The following ASAH2 variants were observed in gnomAD, a reference collection of about 807,000 sequenced individuals.
ASAH2 encodes N-acylsphingosine amidohydrolase 2.
ASAH2 carries 58 observed loss-of-function variants against 82.9 expected under a neutral mutation model. The observed-to-expected ratio is 0.70, with a 90% CI of 0.57 to 0.87. The LOEUF (loss-of-function observed/expected upper bound fraction) is 0.87. ASAH2 is among the 40% of genes least tolerant of loss of function. ASAH2 has a pLI of 0.00. For missense variants in ASAH2, 779 were observed against 834.0 expected (o/e 0.93, Z 0.81); for synonymous variants, 276 against 289.7 (o/e 0.95, Z 0.48).
chr10:50,234,468 T>C lies in ASAH2; in HGVS notation c.772A>G (p.Ser258Gly). ...GNVDGVQINR[S>G]PYSYLQNPQS... Reference sequence around the variant, plus strand: ...GGATTTTGAAGGTAAGAATACGGACTTCTGTTGATCTGCACACCATCCACA... The same window carrying C: ...GGATTTTGAAGGTAAGAATACGGACCTCTGTTGATCTGCACACCATCCACA... Residue 258 changes from serine to glycine, a missense_variant, in exon 6 of 21, where the codon AGT (serine) becomes GGT (glycine). By Grantham distance (56) the Ser-to-Gly change is moderately conservative (BLOSUM62 0). Transcript: ENST00000682911. The C allele has an allele frequency of 1.2e-6, 2 of 1,613,126 alleles. No homozygotes were observed. Among genetic ancestry groups the C allele is most frequent in the Non-Finnish European group, 1.7e-6 (2 of 1,179,296 alleles).
intron 9 of ASAH2, among the ~76,000 whole-genome samples, chr10:50,213,311 G>A (rs1254893609): frequency 5.3e-5 from 8 of 152,152 alleles, no homozygotes; most frequent in African/African-American, 1.7e-4. Context: ...GTTAAAAGAT[G>A]TGTTGCTGAT....
intron 7 of ASAH2, among the ~76,000 whole-genome samples, chr10:50,230,300 G>C (rs1285983353): frequency 2.6e-5 from 4 of 152,138 alleles, no homozygotes; most frequent in African/African-American, 9.7e-5. Flanking sequence ...ATGCTGGGCA[G>C]GTCACATCAC....
At chr10:50,239,624 C>G (rs1166708142) in intron 4 of ASAH2, among the ~76,000 whole-genome samples, 7 of 152,200 alleles carry the variant, frequency 4.6e-5, no homozygotes, top group Admixed American at 3.3e-4. Flanking sequence ...CCTAGCTGTG[C>G]AACCTTGGAT....
In ASAH2 at chr10:50,201,192, C is replaced by T. The variant is rs938913587; in HGVS notation, c.1761+1637G>A. Among the ~76,000 whole-genome samples, 925 of 152,108 alleles carry T rather than the reference C, an allele frequency of 6.1e-3. 10 individuals are homozygous for T. The highest frequency in any genetic ancestry group is 0.038 in the South Asian group (181 of 4,814). ...CCTTTCCAGCTCCCCATTCATCCCACGGAGAGCTACCTCTACCACTCAATA... is the reference window on the plus strand; with the variant it reads ...CCTTTCCAGCTCCCCATTCATCCCATGGAGAGCTACCTCTACCACTCAATA... On this transcript the variant is annotated intron_variant, in intron 16 of 20. Coordinates refer to ENST00000682911, the MANE Select transcript of ASAH2 (RefSeq NM_019893.4).
At chr10:50,237,072 T>A (rs1373053950) in intron 4 of ASAH2, among the ~76,000 whole-genome samples, 1 of 152,270 alleles carries the variant, frequency 6.6e-6, no homozygotes, top group East Asian at 1.9e-4. Context: ...GGCTCTCTTT[T>A]AGCAGAGGCT....
At position 50,199,139 on chromosome 10, in the gene ASAH2, C is replaced by T. The variant is rs1845073970; in HGVS notation, c.1769G>A (p.Arg590Gln). 4 of 1,613,130 alleles carry T rather than the reference C, an allele frequency of 2.5e-6. No homozygotes were observed. Among genetic ancestry groups the T allele is most frequent in the Middle Eastern group, 1.7e-4 (1 of 6,042 alleles). The change falls in exon 17 of 21, where the codon CGA becomes CAA. Residue 590 changes from arginine to glutamine, a missense_variant. Around this residue, in one of 3 missense-constraint regions of ASAH2, gnomAD observed 759 missense variants for 755.2 expected, o/e 1.00. Coordinates refer to ENST00000682911, the MANE Select transcript of ASAH2 (RefSeq NM_019893.4). ...ATAAATTGTCGATGCTGCCTCATAT[C>T]GCTGAGCCTGCAGGAAAGGCAGGGA... ...ITTYEEYQAQ[R>Q]YEAASTIYGP...
rs1455436276 is a variant in ASAH2 at position 50,199,118 on chromosome 10, A to G, written c.1790T>C (p.Ile597Thr). 5 of 1,613,190 alleles carry G rather than the reference A, an allele frequency of 3.1e-6. No homozygotes were observed. In the African/African-American group the frequency reaches 6.7e-5, roughly 22 times the overall value. Residue 597 changes from isoleucine to threonine, a missense_variant, in exon 17 of 21, where the codon ATT (isoleucine) becomes ACT (threonine). Ile to Thr is a moderately conservative substitution (Grantham distance 89, BLOSUM62 -1). Transcript: ENST00000682911. ...QAQRYEAAST[I>T]YGPHTLSAYI... ...AGCAGATAATGTGTGCGGTCCATAA[A>G]TTGTCGATGCTGCCTCATATCGCTG...
intron 10 of ASAH2, among the ~76,000 whole-genome samples, chr10:50,211,742 C>T (rs1425045703): frequency 6.6e-6 from 1 of 152,206 alleles, no homozygotes; most frequent in Non-Finnish European, 1.5e-5. Context: ...CATTATATAA[C>T]ATAGGCAAAT....
rs1486831035 is a variant in ASAH2 at position 50,218,597 on chromosome 10, G to C, written c.927C>G (p.Asn309Lys). 7 of 1,613,704 alleles carry C rather than the reference G, an allele frequency of 4.3e-6. No homozygotes were observed. Among genetic ancestry groups the C allele is most frequent in the South Asian group, 1.1e-5 (1 of 91,080 alleles). Residue 309 changes from asparagine to lysine, a missense_variant, in exon 8 of 21, where the codon AAC (asparagine) becomes AAG (lysine). This residue lies in a region of ASAH2 where 759 missense variants were observed against 755.2 expected (regional missense o/e 1.00). Coordinates refer to ENST00000682911, the MANE Select transcript of ASAH2 (RefSeq NM_019893.4). Reference protein sequence around the residue: ...WFAIHPVSMNNSNHLVNSDNV... With the variant: ...WFAIHPVSMNKSNHLVNSDNV... ...TGTCACTGTTTACAAGATGGTTACT[G>C]TTGTTCATGCTGACCGGGTGGATGG... is the stretch of plus-strand genomic sequence containing the variant.
At position 50,233,266 on chromosome 10, in the gene ASAH2, T is replaced by C; in HGVS notation, c.816-5A>G. 6.3e-7 allele frequency: 1 copy of C among 1,597,250 alleles called. No homozygotes were observed. On this transcript the variant is annotated splice_region_variant and splice_polypyrimidine_tract_variant and intron_variant, in intron 6 of 20. Coordinates refer to ENST00000682911, the MANE Select transcript of ASAH2 (RefSeq NM_019893.4). ...TTGTCTGTATTTGAAGAATACCTAGTCAGTAAAACAGAAAAGCACAGTCAG... is the reference window on the plus strand; with the variant it reads ...TTGTCTGTATTTGAAGAATACCTAGCCAGTAAAACAGAAAAGCACAGTCAG...
Position 50,210,897 on chromosome 10 carries a change from GT to G in ASAH2, c.1339del (p.Thr447HisfsTer88), listed in dbSNP as rs1443912718. The G allele has an allele frequency of 1.2e-5, 19 of 1,613,274 alleles. No individual in the cohort carries two copies. The highest frequency in any genetic ancestry group is 1.6e-5 in the Non-Finnish European group (19 of 1,179,304). On this transcript the variant is annotated frameshift_variant, in exon 12 of 21. Transcript: ENST00000682911. LOFTEE classifies it high-confidence loss of function. The stretch of plus-strand genomic sequence containing the variant: ...ACTGTAGCCCAATGCTGGTTTACAT[GT>G]TTTTGACTAAAGGAAAAGTTTTAAA... ...VWLNSTHASK[T>X]CKPALGYSFA... is the part of the protein sequence containing the mutation.
chr10:50,206,175 C>T, intron 12 of ASAH2, 78 bp from the exon 13 acceptor site: 1 of 1,025,908 alleles, frequency 9.7e-7, no homozygotes, highest in East Asian at 2.4e-5. Flanking sequence ...AAATATTGTA[C>T]AATAATCTTT....
intron 15 of ASAH2, 85 bp from the exon 16 acceptor site, chr10:50,203,009 G>C (rs1845196850): frequency 7.5e-6 from 7 of 931,254 alleles, no homozygotes; most frequent in Non-Finnish European, 1.2e-5. Flanking sequence ...CACAAGCATT[G>C]ATTACACTAT....
intron 2 of ASAH2, among the ~76,000 whole-genome samples, chr10:50,248,209 G>A (rs2813305): frequency 0.85 from 129,691 of 152,218 alleles, 55,329 homozygotes; most frequent in Non-Finnish European, 0.87. Flanking sequence ...AGACCTTGAC[G>A]AATCTTGAGC....
Position 50,204,939 on chromosome 10 carries a change from G to A in ASAH2, c.1547C>T (p.Pro516Leu), listed in dbSNP as rs1474051483. ...LHTGELSKPH[P>L]WHPDIVDVQI... is the part of the protein sequence containing the mutation. ...AACATCAACAATGTCTGGATGCCAG[G>A]GGTGAGGTTTTGATAGCTGAGAACC... The change falls in exon 14 of 21, where the codon CCC (proline) becomes CTC (leucine). Residue 516 changes from proline (P) to leucine (L), a missense_variant. By Grantham distance (98) the Pro-to-Leu change is moderately conservative. Around this residue, in one of 3 missense-constraint regions of ASAH2, gnomAD observed 759 missense variants for 755.2 expected, o/e 1.00. Transcript: ENST00000682911. The A allele has an allele frequency of 7.5e-6, 12 of 1,610,200 alleles. No homozygotes were observed. The highest frequency in any genetic ancestry group is 8.5e-6 in the Non-Finnish European group (10 of 1,178,302).
rs1844712242 is a variant in ASAH2 at position 50,185,165 on chromosome 10, C to A, written c.*2150G>T. 6.6e-6 allele frequency: 1 copy of A among 151,108 alleles called. No homozygotes were observed. The highest frequency in any genetic ancestry group is 1.5e-5 in the Non-Finnish European group (1 of 67,698). The allele number at this position is 151,108 out of a possible 1,614,324, so 9.4% of individuals were successfully genotyped here. ...TCCAGTGAGCCAGTCCCTGCAGCAT[C>A]CACAGACATGAATTGGATCTGTGTT... On this transcript the variant is annotated 3_prime_UTR_variant, in exon 21 of 21. Coordinates refer to ENST00000682911, the MANE Select transcript of ASAH2 (RefSeq NM_019893.4).
chr10:50,209,797 C>A (rs1845404255), intron 12 of ASAH2, among the ~76,000 whole-genome samples: 1 of 152,076 alleles, frequency 6.6e-6, no homozygotes, highest in Admixed American at 6.5e-5. Flanking sequence ...TGTTTGACAT[C>A]ATTAATTATT....
At chr10:50,239,602 A>G (rs1051545280) in intron 4 of ASAH2, among the ~76,000 whole-genome samples, 97 of 152,106 alleles carry the variant, frequency 6.4e-4, no homozygotes, top group African/African-American at 2.3e-3. Context: ...TTGAATCCCA[A>G]CTCTGACAGT....
chr10:50,199,109 G>A lies in ASAH2; in HGVS notation c.1799C>T (p.Pro600Leu), dbSNP rs1319705711. 13 of 1,613,174 alleles carry A rather than the reference G, an allele frequency of 8.1e-6. No homozygotes were observed. Among genetic ancestry groups the A allele is most frequent in the Admixed American group, 1.7e-5 (1 of 59,944 alleles). The stretch of plus-strand genomic sequence containing the variant: ...CTGAATGTAAGCAGATAATGTGTGC[G>A]GTCCATAAATTGTCGATGCTGCCTC... ...RYEAASTIYG[P>L]HTLSAYIQLF... Residue 600 changes from proline (P) to leucine (L), a missense_variant, in exon 17 of 21, where the codon CCG becomes CTG. By Grantham distance (98) the Pro-to-Leu change is moderately conservative. Around this residue, in one of 3 missense-constraint regions of ASAH2, gnomAD observed 759 missense variants for 755.2 expected, o/e 1.00. Transcript: ENST00000682911.
Sources: gnomAD v4.1 joint callset for allele counts (sites outside exome capture counted in the v4.1 genomes callset) on GRCh38, gnomAD v4.1.1 for gene constraint, gnomAD v4.1.1 regional missense constraint, MANE v1.5 for transcripts, NCBI Gene and HGNC (gene_info 2026-07-23, HGNC 2026-07-21) for gene names.